Variants in TSC2 observed in about 807,000 individuals in gnomAD.
The protein encoded by TSC2 is tuberin.
A neutral mutation model predicts 202.2 loss-of-function variants in TSC2; 29 were observed. That is an observed-to-expected ratio of 0.14 (90% confidence interval 0.11 to 0.20). The LOEUF (loss-of-function observed/expected upper bound fraction) is 0.20. Among genes scored for constraint, TSC2 ranks in the 10% least tolerant of loss-of-function variants. The pLI, the probability that TSC2 is intolerant of heterozygous loss-of-function variation, is 1.00. For missense variants in TSC2, 2,429 were observed against 2,420.0 expected (o/e 1.00, Z -0.08); for synonymous variants, 1,349 against 1,044.0 (o/e 1.29, Z -5.63).
intron 36 of TSC2, among the ~76,000 whole-genome samples, chr16:2,085,573 G>A (rs962782468): frequency 2.2e-4 from 34 of 152,206 alleles, no homozygotes; most frequent in Admixed American, 6.5e-4. Flanking sequence ...GGCACCGGTC[G>A]CAGGGCTGGG....
Position 2,088,904 on chromosome 16 carries a change from C to T in TSC2, c.*294C>T, listed in dbSNP as rs778239438. ...GCGCACACACACACACACACAGTCA[C>T]CTTCCTCCACCCTGGGAGCCAGCCC... On this transcript the variant is annotated 3_prime_UTR_variant, in exon 42 of 42. Transcript: ENST00000219476. 4.8e-6 allele frequency: 2 copies of T among 420,128 alleles called. No individual in the cohort carries two copies. Among genetic ancestry groups the T allele is most frequent in the Non-Finnish European group, 8.7e-6 (2 of 228,938 alleles). The allele number at this position is 420,128 out of a possible 1,614,324, so 26.0% of individuals were successfully genotyped here.
rs2086529367 is a variant in TSC2, at chr16:2,060,739, T to G, written c.1045T>G (p.Tyr349Asp). The G allele has an allele frequency of 6.2e-7, 1 of 1,613,714 alleles. No individual in the cohort carries two copies. The highest frequency in any genetic ancestry group is 8.5e-7 in the Non-Finnish European group (1 of 1,179,914). ...GTCCATCACCAGGCTCATCAAGAAGTATAGGAAGGAGCTCCAGGTGGTGGC... is the reference window on the plus strand; with the variant it reads ...GTCCATCACCAGGCTCATCAAGAAGGATAGGAAGGAGCTCCAGGTGGTGGC... ...VLSITRLIKK[Y>D]RKELQVVAWD... Residue 349 changes from tyrosine (Y) to aspartate (D), a missense_variant, in exon 11 of 42, where the codon TAT (tyrosine) becomes GAT (aspartate). Physicochemically the swap from Tyr to Asp is radical, Grantham distance 160. Coordinates refer to ENST00000219476, the MANE Select transcript of TSC2 (RefSeq NM_000548.5).
intron 5 of TSC2, chr16:2,055,180 C>T: frequency 1.6e-6 from 1 of 627,828 alleles, no homozygotes; most frequent in Non-Finnish European, 2.9e-6. Flanking sequence ...CTCTGTGCAG[C>T]CCCAGGGGCG....
chr16:2,048,180 T>C (rs2084590673), intron 1 of TSC2, 115 bp downstream of exon 1: 1 of 1,536,442 alleles, frequency 6.5e-7, no homozygotes, highest in Admixed American at 2.0e-5. Flanking sequence ...GCAACCCGAC[T>C]CCGGAGCTCC....
At chr16:2,081,873 CCT>C (rs1834460617) in intron 31 of TSC2, 75 bp downstream of exon 31, 17 of 1,562,770 alleles carry the variant, frequency 1.1e-5, no homozygotes, top group Non-Finnish European at 1.3e-5. Flanking sequence ...CAATGTGGCT[CCT>C]CTCTGCTGAG....
intron 3 of TSC2, among the ~76,000 whole-genome samples, chr16:2,050,956 T>A (rs2085035501): frequency 6.6e-6 from 1 of 152,170 alleles, no homozygotes; most frequent in Non-Finnish European, 1.5e-5. Flanking sequence ...ATGCCCCGAA[T>A]ACAACCTTGA....
intron 4 of TSC2, chr16:2,053,751 G>A (rs976085199): frequency 5.2e-6 from 3 of 576,242 alleles, no homozygotes; most frequent in Non-Finnish European, 6.6e-6. Context: ...GGCAGCTGGT[G>A]TGGGGCTACG....
At chr16:2,069,117 C>T (rs556431661) in intron 16 of TSC2, among the ~76,000 whole-genome samples, 74 of 152,242 alleles carry the variant, frequency 4.9e-4, no homozygotes, top group Non-Finnish European at 9.1e-4. Context: ...ACAATGGACA[C>T]GGTGACAAGT....
intron 8 of TSC2, 150 bp downstream of exon 8, chr16:2,056,919 G>A (rs921432731): frequency 1.4e-6 from 2 of 1,462,712 alleles, no homozygotes; most frequent in Admixed American, 3.4e-5. Flanking sequence ...CCAGGCAGTT[G>A]AGCTGAGGTC....
chr16:2,082,735 C>G, intron 32 of TSC2: 1 of 610,210 alleles, frequency 1.6e-6, no homozygotes, highest in Non-Finnish European at 3.0e-6. Context: ...TGTGCGAGCA[C>G]TCCCGGCCCA....
Position 2,064,361 on chromosome 16 carries a change from G to T in TSC2, c.1533G>T (p.Leu511Phe), listed in dbSNP as rs771932622. ...DHQVRKLATQ[L>F]LVDLAEGCHT... is the part of the protein sequence containing the mutation. Reference sequence around the variant, plus strand: ...AGGTCCGAAAGCTGGCCACCCAGTTGCTGGTGGACCTGGCAGAGGGCTGCC... The same window carrying T: ...AGGTCCGAAAGCTGGCCACCCAGTTTCTGGTGGACCTGGCAGAGGGCTGCC... Residue 511 changes from leucine (L) to phenylalanine (F), a missense_variant, in exon 15 of 42, where the codon TTG becomes TTT. Coordinates refer to ENST00000219476, the MANE Select transcript of TSC2 (RefSeq NM_000548.5). 1 of 1,613,804 alleles carries T rather than the reference G, an allele frequency of 6.2e-7. No homozygotes were observed.
Position 2,081,658 on chromosome 16 carries a change from A to T in TSC2, c.3674A>T (p.Asn1225Ile). 1 of 1,612,940 alleles carries T rather than the reference A, an allele frequency of 6.2e-7. No individual in the cohort carries two copies. The highest frequency in any genetic ancestry group is 8.5e-7 in the Non-Finnish European group (1 of 1,179,994). ...AGCCCTTTCTCCTCGGACATCAACA[A>T]CATGCCCCTGCAGGAGCTGTCTAAC... is the stretch of plus-strand genomic sequence containing the variant. ...PLSPFSSDINNMPLQELSNAL... is the reference protein window; with the variant it reads ...PLSPFSSDINIMPLQELSNAL... Residue 1225 changes from asparagine to isoleucine, a missense_variant, in exon 31 of 42, where the codon AAC becomes ATC. Asn to Ile is a moderately radical substitution (Grantham distance 149). Transcript: ENST00000219476.
intron 14 of TSC2, 33 bp downstream of exon 14, chr16:2,063,086 A>C (rs1403562367): frequency 1.3e-6 from 2 of 1,550,420 alleles, no homozygotes. Flanking sequence ...CTGGGGGCTC[A>C]GGGCTATTTC....
rs1060504117 is a variant in TSC2 at position 2,084,563 on chromosome 16, C to T, written c.4341C>T (p.Ser1447=). The change falls in exon 34 of 42, where the codon TCC becomes TCT. Residue 1447 remains serine, a synonymous_variant. Coordinates refer to ENST00000219476, the MANE Select transcript of TSC2 (RefSeq NM_000548.5). ...GCCAGCCCGAGGGTCCCTTGCCTTC[C>T]AGCTCCCCCCGCTCGCCCAGTGGCC... ...SRGQPEGPLP[S]SSPRSPSGLR... The T allele has an allele frequency of 6.2e-7, 1 of 1,608,374 alleles. No individual in the cohort carries two copies. Among genetic ancestry groups the T allele is most frequent in the Non-Finnish European group, 8.5e-7 (1 of 1,179,690 alleles).
chr16:2,062,016 C>T lies in TSC2; in HGVS notation c.1257+8C>T. On this transcript the variant is annotated splice_region_variant and intron_variant, in intron 12 of 41. Coordinates refer to ENST00000219476, the MANE Select transcript of TSC2 (RefSeq NM_000548.5). ...TGTGCGGACCAGAGGCCTGTGAGAC[C>T]CCCTCCTGGGTGGGGCCTTTGGGCT... The T allele has an allele frequency of 1.9e-6, 3 of 1,613,990 alleles. No homozygotes were observed. The highest frequency in any genetic ancestry group is 2.5e-6 in the Non-Finnish European group (3 of 1,180,000).
chr16:2,064,162 C>A (rs2086988818), intron 14 of TSC2, 110 bp from the exon 15 acceptor site: 5 of 1,560,700 alleles, frequency 3.2e-6, no homozygotes. Context: ...GTGCTGAAGT[C>A]CCGAGGGACA....
chr16:2,062,821 G>C, intron 13 of TSC2, 151 bp from the exon 14 acceptor site: 1 of 991,374 alleles, frequency 1.0e-6, no homozygotes, highest in Non-Finnish European at 1.5e-6. Flanking sequence ...GGGTCGTCTG[G>C]AGAGATGCTC....
At position 2,048,048 on chromosome 16, in the gene TSC2, G is replaced by T; in HGVS notation, c.-47G>T. On this transcript the variant is annotated 5_prime_UTR_variant, in exon 1 of 42. Transcript: ENST00000219476. ...TCTCCGCGTCGGGGCGGCCCGGAGC[G>T]CGGTGGCGCGGCGCGGGGTAAGTGG... The T allele has an allele frequency of 7.0e-7, 1 of 1,425,124 alleles. No individual in the cohort carries two copies. Among genetic ancestry groups the T allele is most frequent in the East Asian group, 2.7e-5 (1 of 36,944 alleles). The allele number at this position is 1,425,124 out of a possible 1,614,324, so 88.3% of individuals were successfully genotyped here.
chr16:2,057,378 A>G (rs2086002723), intron 9 of TSC2, among the ~76,000 whole-genome samples, 200 bp downstream of exon 9: 1 of 152,168 alleles, frequency 6.6e-6, no homozygotes, highest in African/African-American at 2.4e-5. Flanking sequence ...GTTCAACAGA[A>G]TATCCACACC....
Sources: gnomAD v4.1 joint callset for allele counts (sites outside exome capture counted in the v4.1 genomes callset) on GRCh38, gnomAD v4.1.1 for gene constraint, MANE v1.5 for transcripts, NCBI Gene and HGNC (gene_info 2026-07-23, HGNC 2026-07-21) for gene names.